HS6ST3: variants seen among roughly 807,000 people sequenced by gnomAD.
HS6ST3 encodes the protein heparan-sulfate 6-O-sulfotransferase 3.
HS6ST3 carries 12 observed loss-of-function variants against 36.7 expected under a neutral mutation model. The ratio of observed to expected loss-of-function variants is 0.33; its 90% CI spans 0.21 to 0.53. The LOEUF is 0.53. HS6ST3 is among the 20% of genes least tolerant of loss of function. HS6ST3 has a pLI of 0.95. For missense variants in HS6ST3, 584 were observed against 640.9 expected (o/e 0.91, Z 0.96); for synonymous variants, 240 against 257.5 (o/e 0.93, Z 0.65).
chr13:96,575,740 C>T (rs2056318288), intron 1 of HS6ST3, among the ~76,000 whole-genome samples: 1 of 152,170 alleles, frequency 6.6e-6, no homozygotes, highest in Non-Finnish European at 1.5e-5. Context: ...TGCTGATTTC[C>T]ATGTTTCTGT....
intron 1 of HS6ST3, among the ~76,000 whole-genome samples, chr13:96,254,484 TATATATATATATATACACATACATAC>T (rs768106821): frequency 0.38 from 6,950 of 18,492 alleles, 1,118 homozygotes; most frequent in East Asian, 0.51. Context: ...TATATATATA[TATATATATATATATACACATACATAC>T]ACACACACAC....
rs747357678 is a variant in HS6ST3 at position 96,832,898 on chromosome 13, C to T, written c.1116C>T (p.Phe372=). The change falls in exon 2 of 2, where the codon TTC becomes TTT. Residue 372 remains phenylalanine (F), a synonymous_variant. Transcript: ENST00000376705. ...FLFERTFNLK[F]ISPFTQFNIT... ...TTGAGAGAACATTCAACCTCAAGTT[C>T]ATCTCCCCCTTCACACAGTTCAACA... 1.2e-6 allele frequency: 2 copies of T among 1,614,196 alleles called. No homozygotes were observed. The highest frequency in any genetic ancestry group is 1.7e-6 in the Non-Finnish European group (2 of 1,180,038).
At chr13:96,124,955 G>A (rs1389579689) in intron 1 of HS6ST3, among the ~76,000 whole-genome samples, 4 of 152,118 alleles carry the variant, frequency 2.6e-5, no homozygotes, top group Non-Finnish European at 5.9e-5. Flanking sequence ...GTGACATTCT[G>A]CTGTATCTAG....
At position 96,837,081 on chromosome 13, in the gene HS6ST3, T is replaced by A. The variant is rs917985308; in HGVS notation, c.*3883T>A. 1.3e-5 allele frequency: 2 copies of A among 152,244 alleles called. No homozygotes were observed. The highest frequency in any genetic ancestry group is 1.3e-4 in the Admixed American group (2 of 15,290). 9.4% of individuals were successfully genotyped at this position (152,244 alleles called of 1,614,324 possible). ...CAAAGAAGGCTAGGGAATGTCTTTA[T>A]TATTGATTGTCATGTGCCTTGATAA... On this transcript the variant is annotated 3_prime_UTR_variant, in exon 2 of 2. Transcript: ENST00000376705.
chr13:96,470,320 C>T (rs1246256657), intron 1 of HS6ST3, among the ~76,000 whole-genome samples: 4 of 152,040 alleles, frequency 2.6e-5, no homozygotes, highest in East Asian at 1.9e-4. Context: ...AAGCATTTCC[C>T]CCTCCCCCAA....
chr13:96,451,774 T>G (rs921183994), intron 1 of HS6ST3, among the ~76,000 whole-genome samples: 17 of 152,194 alleles, frequency 1.1e-4, no homozygotes, highest in Non-Finnish European at 5.9e-5. Flanking sequence ...AAGATAGATA[T>G]TTTTGTGATA....
chr13:96,302,022 A>G (rs1281889165), intron 1 of HS6ST3, among the ~76,000 whole-genome samples: 1 of 151,594 alleles, frequency 6.6e-6, no homozygotes, highest in African/African-American at 2.4e-5. Context: ...GATAGCATTA[A>G]GCTAATCAAA....
rs139788214 is a variant in HS6ST3 at position 96,287,115 on chromosome 13, G to C, written c.707+195546G>C. ...GTCACCAAGGCACAATGTAGTAGAA[G>C]TTGACTCCAGCAGCCACAGTCCCTA... is the stretch of plus-strand genomic sequence containing the variant. On this transcript the variant is annotated intron_variant, in intron 1 of 1. Coordinates refer to ENST00000376705, the MANE Select transcript of HS6ST3 (RefSeq NM_153456.4). Among the ~76,000 whole-genome samples the C allele has an allele frequency of 3.4e-3, 518 of 152,266 alleles. 5 individuals are homozygous for C. The highest frequency in any genetic ancestry group is 0.012 in the African/African-American group (495 of 41,550).
At chr13:96,433,158 G>A (rs143248420) in intron 1 of HS6ST3, among the ~76,000 whole-genome samples, 254 of 152,040 alleles carry the variant, frequency 1.7e-3, no homozygotes, top group African/African-American at 5.8e-3. Flanking sequence ...TAAAATTCTC[G>A]GTTCTGATAA....
intron 1 of HS6ST3, among the ~76,000 whole-genome samples, chr13:96,623,088 A>G (rs1203588994): frequency 6.6e-6 from 1 of 152,156 alleles, no homozygotes; most frequent in East Asian, 1.9e-4. Flanking sequence ...TGACTCTCAC[A>G]TAGTGAACTT....
chr13:96,679,505 TTTTA>T, intron 1 of HS6ST3, among the ~76,000 whole-genome samples: 1 of 152,064 alleles, frequency 6.6e-6, no homozygotes, highest in Non-Finnish European at 1.5e-5. Flanking sequence ...ATTTGGATCC[TTTTA>T]TTTACTCTCC....
chr13:96,503,037 G>A (rs903810906), intron 1 of HS6ST3, among the ~76,000 whole-genome samples: 7 of 152,130 alleles, frequency 4.6e-5, no homozygotes, highest in African/African-American at 1.7e-4. Context: ...CACTGTCTAT[G>A]CTCACTAAAA....
At chr13:96,369,907 T>G (rs2055281545) in intron 1 of HS6ST3, among the ~76,000 whole-genome samples, 1 of 152,142 alleles carries the variant, frequency 6.6e-6, no homozygotes, top group Non-Finnish European at 1.5e-5. Flanking sequence ...TAAGTTTTAG[T>G]AGAAACTGGG....
chr13:96,787,474 A>G (rs567767991), intron 1 of HS6ST3, among the ~76,000 whole-genome samples: 2 of 152,130 alleles, frequency 1.3e-5, no homozygotes, highest in South Asian at 4.1e-4. Flanking sequence ...AGCCATTCTA[A>G]TAGATGTATG....
At chr13:96,272,979 A>G (rs1048860533) in intron 1 of HS6ST3, among the ~76,000 whole-genome samples, 18 of 152,060 alleles carry the variant, frequency 1.2e-4, no homozygotes, top group Non-Finnish European at 2.1e-4. Flanking sequence ...CAAGGATACA[A>G]TGAATGTCAA....
At chr13:96,570,021 G>A (rs1427406973) in intron 1 of HS6ST3, among the ~76,000 whole-genome samples, 1 of 152,140 alleles carries the variant, frequency 6.6e-6, no homozygotes, top group Non-Finnish European at 1.5e-5. Context: ...TTGAAGGGAT[G>A]TATAAATAAA....
intron 1 of HS6ST3, among the ~76,000 whole-genome samples, chr13:96,416,027 C>G (rs960152488): frequency 2.6e-5 from 4 of 152,092 alleles, no homozygotes; most frequent in Non-Finnish European, 4.4e-5. Context: ...AGCAGTCTAT[C>G]AAAAACAGAT....
chr13:96,563,923 C>T (rs745712341), intron 1 of HS6ST3, among the ~76,000 whole-genome samples: 6 of 152,270 alleles, frequency 3.9e-5, no homozygotes, highest in Non-Finnish European at 8.8e-5. Flanking sequence ...CAGATACCTT[C>T]TAGACTTTTC....
intron 1 of HS6ST3, among the ~76,000 whole-genome samples, chr13:96,790,270 T>TACACACACACAC (rs56867063): frequency 2.2e-4 from 32 of 144,436 alleles, no homozygotes; most frequent in East Asian, 1.6e-3. Context: ...AACACACATG[T>TACACACACACAC]ACACACACAC....
Sources: gnomAD v4.1 joint callset for allele counts (sites outside exome capture counted in the v4.1 genomes callset) on GRCh38, gnomAD v4.1.1 for gene constraint, MANE v1.5 for transcripts, NCBI Gene and HGNC (gene_info 2026-07-23, HGNC 2026-07-21) for gene names.